The following ARHGAP32 variants were observed in gnomAD, a reference collection of about 807,000 sequenced individuals.
The protein encoded by ARHGAP32 is Rho GTPase activating protein 32, also known as rho GTPase-activating protein 32.
Under a neutral mutation model 186.5 loss-of-function variants are expected in ARHGAP32, and 51 were observed. The observed-to-expected ratio is 0.27, with a 90% CI of 0.22 to 0.35. ARHGAP32 has a LOEUF of 0.35. Ranked by LOEUF, ARHGAP32 falls within the 10% of genes least tolerant of loss-of-function variation. The pLI, the probability that ARHGAP32 is intolerant of heterozygous loss-of-function variation, is 1.00. For synonymous variants in ARHGAP32, 950 were observed against 964.3 expected, an observed-to-expected ratio of 0.99 and a Z score of 0.27; for missense variants, 2,186 against 2,623.5, an observed-to-expected ratio of 0.83 and a Z score of 3.64.
intron 6 of ARHGAP32, among the ~76,000 whole-genome samples, chr11:129,069,992 T>C (rs1246405928): frequency 6.6e-6 from 1 of 151,982 alleles, no homozygotes; most frequent in Non-Finnish European, 1.5e-5. Context: ...TCTTTGCTAG[T>C]TGGAATATCA....
chr11:129,028,307 T>C (rs576712805), intron 11 of ARHGAP32, among the ~76,000 whole-genome samples: 9 of 151,946 alleles, frequency 5.9e-5, no homozygotes, highest in Non-Finnish European at 1.2e-4. Context: ...CACAAAAAAA[T>C]GGTAAGTCAG....
intron 1 of ARHGAP32, among the ~76,000 whole-genome samples, chr11:129,223,952 T>A (rs573006122): frequency 6.6e-6 from 1 of 152,278 alleles, no homozygotes; most frequent in East Asian, 1.9e-4. Flanking sequence ...ACCAGAAACG[T>A]CAGGGTGGAA....
intron 11 of ARHGAP32, 59 bp from the exon 12 acceptor site, chr11:128,998,527 C>A (rs1250939617): frequency 5.2e-6 from 7 of 1,341,178 alleles, no homozygotes; most frequent in Non-Finnish European, 6.9e-6. Flanking sequence ...TTTTACTTAG[C>A]ATAAAAACAA....
chr11:129,193,705 A>ATATATTG (rs1944346392), upstream of ARHGAP32, among the ~76,000 whole-genome samples: 2 of 39,704 alleles, frequency 5.0e-5, no homozygotes, highest in Non-Finnish European at 1.0e-4. Context: ...AATATATAAT[A>ATATATTG]TATATTATAT....
chr11:129,047,822 C>T lies in ARHGAP32; in HGVS notation c.964-6813G>A, dbSNP rs140696998. ...TCAAATAGACGGTAAGTCAATGAGTCAATTAGTTTGTCTGCTATGATTTTG... is the reference window on the plus strand; with the variant it reads ...TCAAATAGACGGTAAGTCAATGAGTTAATTAGTTTGTCTGCTATGATTTTG... On this transcript the variant is annotated intron_variant, in intron 10 of 22. Transcript: ENST00000682385. Among the ~76,000 whole-genome samples the T allele has an allele frequency of 1.5e-3, 222 of 152,286 alleles. 1 individual carries two copies. Among genetic ancestry groups the T allele is most frequent in the African/African-American group, 4.9e-3 (205 of 41,558 alleles).
intron 15 of ARHGAP32, among the ~76,000 whole-genome samples, chr11:128,985,375 A>C (rs1430444257): frequency 6.6e-6 from 1 of 152,182 alleles, no homozygotes; most frequent in Non-Finnish European, 1.5e-5. Context: ...AAAAAAAATT[A>C]AATTACTTAA....
chr11:129,198,020 T>C (rs189319002), intron 1 of ARHGAP32, among the ~76,000 whole-genome samples: 350 of 152,302 alleles, frequency 2.3e-3, no homozygotes, highest in African/African-American at 8.3e-3. Flanking sequence ...TTAATATGAT[T>C]CTCTACAGGT....
At chr11:129,126,131 A>G (rs1445271570) in intron 2 of ARHGAP32, 1 of 247,066 alleles carries the variant, frequency 4.0e-6, no homozygotes, top group Non-Finnish European at 8.1e-6. Flanking sequence ...AATAAAAAGT[A>G]TATTTTTAAA....
chr11:129,193,563 A>ATAT (rs1944318280), upstream of ARHGAP32, among the ~76,000 whole-genome samples: 1 of 12,236 alleles, frequency 8.2e-5, no homozygotes, highest in African/African-American at 5.6e-4. Flanking sequence ...TATATATATT[A>ATAT]TATATAATAT....
At chr11:129,111,227 T>C (rs777299871) in intron 5 of ARHGAP32, among the ~76,000 whole-genome samples, 3 of 152,238 alleles carry the variant, frequency 2.0e-5, no homozygotes, top group Non-Finnish European at 2.9e-5. Context: ...ATCATGTTTA[T>C]TGATTTGTGT....
Position 129,192,023 on chromosome 11 carries a change from AG to A in ARHGAP32, c.116+59del, listed in dbSNP as rs567569541. 7.3e-3 allele frequency: 8,804 copies of A among 1,205,712 alleles called. 54 individuals are homozygous for A. The highest frequency in any genetic ancestry group is 9.1e-3 in the Non-Finnish European group (7,468 of 824,836). 74.7% of individuals were successfully genotyped at this position (1,205,712 alleles called of 1,614,324 possible). On this transcript the variant is annotated intron_variant, in intron 1 of 22. Coordinates refer to ENST00000682385, the MANE Select transcript of ARHGAP32 (RefSeq NM_001378024.1). The stretch of plus-strand genomic sequence containing the variant: ...AAAGACCGAAATGCAGAGAAGAAAA[AG>A]GGGTGCGGGTGGGGGTAGGGAGTGG...
At chr11:129,019,174 G>A (rs1938489322) in intron 11 of ARHGAP32, among the ~76,000 whole-genome samples, 1 of 152,210 alleles carries the variant, frequency 6.6e-6, no homozygotes, top group East Asian at 1.9e-4. Flanking sequence ...TGATAGCTCT[G>A]CCCTCTCTCT....
chr11:129,146,500 A>G (rs1174044086), intron 2 of ARHGAP32, among the ~76,000 whole-genome samples: 1 of 152,142 alleles, frequency 6.6e-6, no homozygotes, highest in African/African-American at 2.4e-5. Flanking sequence ...CATAATTTTA[A>G]TATCTTATTT....
chr11:129,093,498 T>A, intron 6 of ARHGAP32, 123 bp downstream of exon 6: 1 of 691,938 alleles, frequency 1.4e-6, no homozygotes, highest in Non-Finnish European at 2.5e-6. Flanking sequence ...CATTTCAGTA[T>A]TATATAAGTA....
At chr11:129,121,094 A>C (rs1942516669) in intron 5 of ARHGAP32, among the ~76,000 whole-genome samples, 1 of 152,142 alleles carries the variant, frequency 6.6e-6, no homozygotes, top group Non-Finnish European at 1.5e-5. Context: ...TAAAATGATA[A>C]AGAATAAGAA....
chr11:129,009,491 C>T (rs940341298), intron 11 of ARHGAP32, among the ~76,000 whole-genome samples: 4 of 152,170 alleles, frequency 2.6e-5, no homozygotes, highest in African/African-American at 4.8e-5. Flanking sequence ...TCTCCCTCCC[C>T]GTAACTATCT....
intron 5 of ARHGAP32, among the ~76,000 whole-genome samples, chr11:129,117,548 AT>A (rs1476516006): frequency 1.3e-5 from 2 of 151,976 alleles, no homozygotes; most frequent in Non-Finnish European, 1.5e-5. Context: ...CCATGACAGC[AT>A]TTTCAAGTCC....
chr11:129,224,331 C>T (rs970092403), intron 1 of ARHGAP32, among the ~76,000 whole-genome samples: 3 of 152,086 alleles, frequency 2.0e-5, no homozygotes, highest in African/African-American at 7.2e-5. Context: ...AAACCAATGA[C>T]AGTGAAGGAA....
intron 10 of ARHGAP32, among the ~76,000 whole-genome samples, chr11:129,061,458 A>C (rs1940500028): frequency 6.6e-6 from 1 of 152,234 alleles, no homozygotes; most frequent in Admixed American, 6.5e-5. Flanking sequence ...CGTATGATAA[A>C]GTTTAATTTA....
Sources: allele counts gnomAD v4.1 joint callset (sites outside exome capture counted in the v4.1 genomes callset), GRCh38; gene constraint gnomAD v4.1.1; transcripts MANE v1.5; gene names NCBI Gene and HGNC (gene_info 2026-07-23, HGNC 2026-07-21).